Variants in WIF1 observed in about 807,000 individuals in gnomAD.
WIF1 encodes Wnt inhibitory factor 1.
In WIF1, 35 loss-of-function variants were observed where a neutral mutation model predicts 53.5. The observed-to-expected ratio is 0.65, with a 90% CI of 0.50 to 0.87. The LOEUF (loss-of-function observed/expected upper bound fraction) is 0.87, where lower values mean the gene tolerates loss of function less well. Among genes scored for constraint, WIF1 ranks in the 40% least tolerant of loss-of-function variants. The probability of loss-of-function intolerance (pLI) is 0.00; values close to 1 mark genes in which losing one functional copy is unlikely to be tolerated. For synonymous variants in WIF1, 171 were observed against 170.4 expected (o/e 1.00, Z -0.03); for missense variants, 467 against 476.8 (o/e 0.98, Z 0.19).
Position 65,118,525 on chromosome 12 carries a change from G to A in WIF1, c.288+1892C>T, listed in dbSNP as rs974222196. ...TAGTTGTGGTAACCTATTCAAAGCC[G>A]AATGAGTAGAGAGAGAAAGGTAGCT... On this transcript the variant is annotated intron_variant, in intron 2 of 9. Coordinates refer to ENST00000286574, the MANE Select transcript of WIF1 (RefSeq NM_007191.5). 3.3e-5 allele frequency among the ~76,000 whole-genome samples: 5 copies of A among 152,128 alleles called. No individual in the cohort carries two copies. The East Asian group carries it at 7.7e-4, about 23-fold the overall frequency.
chr12:65,088,337 C>T (rs1368398743), intron 2 of WIF1, among the ~76,000 whole-genome samples: 3 of 152,074 alleles, frequency 2.0e-5, no homozygotes, highest in Non-Finnish European at 2.9e-5. Flanking sequence ...CTCTCAACAT[C>T]CCCCCCATCT....
At chr12:65,106,870 T>C (rs779196945) in intron 2 of WIF1, among the ~76,000 whole-genome samples, 1 of 152,224 alleles carries the variant, frequency 6.6e-6, no homozygotes, top group African/African-American at 2.4e-5. Flanking sequence ...ACTCAAAACT[T>C]GACTTCTGCC....
At chr12:65,104,043 C>T (rs2136291574) in intron 2 of WIF1, among the ~76,000 whole-genome samples, 1 of 152,178 alleles carries the variant, frequency 6.6e-6, no homozygotes, top group East Asian at 1.9e-4. Context: ...CCAGCCTGGG[C>T]AACACAGCAA....
At chr12:65,079,630 A>G (rs1207835125) in intron 2 of WIF1, among the ~76,000 whole-genome samples, 1 of 151,636 alleles carries the variant, frequency 6.6e-6, no homozygotes, top group Non-Finnish European at 1.5e-5. Flanking sequence ...TGTCTCAAAA[A>G]AAAAAAAAAA....
intron 2 of WIF1, among the ~76,000 whole-genome samples, chr12:65,095,469 A>T (rs748172857): frequency 2.6e-5 from 4 of 152,138 alleles, no homozygotes; most frequent in African/African-American, 9.7e-5. Context: ...TTGGCCCCAT[A>T]TCTCCTCTAT....
chr12:65,058,680 A>T (rs1882566030), intron 7 of WIF1, among the ~76,000 whole-genome samples: 1 of 152,234 alleles, frequency 6.6e-6, no homozygotes, highest in Admixed American at 6.5e-5. Context: ...TCCTGAAAAT[A>T]GTTTGCAACC....
chr12:65,068,214 G>A (rs943877625), intron 4 of WIF1, among the ~76,000 whole-genome samples: 4 of 152,148 alleles, frequency 2.6e-5, no homozygotes, highest in Admixed American at 1.3e-4. Flanking sequence ...GTATAGGGAT[G>A]TGAAAGGAGC....
chr12:65,054,149 A>C (rs1320895313), intron 9 of WIF1: 2 of 149,974 alleles, frequency 1.3e-5, no homozygotes, highest in Admixed American at 6.7e-5. Flanking sequence ...GGATTCAAGA[A>C]ATCCTCTTGC....
In WIF1 at chr12:65,056,366, C is replaced by CTTTTT. The variant is rs10584146; in HGVS notation, c.827-245_827-241dup. On this transcript the variant is annotated intron_variant, in intron 7 of 9. Coordinates refer to ENST00000286574, the MANE Select transcript of WIF1 (RefSeq NM_007191.5). ...GTTGCCAAAATGCTGCATTTATATC[C>CTTTTT]TTTTTTTTTTTTTTTTTTTTTTTTT... 2.1e-4 allele frequency among the ~76,000 whole-genome samples: 5 copies of CTTTTT among 24,264 alleles called. 1 individual carries two copies. Among genetic ancestry groups the CTTTTT allele is most frequent in the African/African-American group, 4.2e-4 (3 of 7,162 alleles). 15.9% of individuals were successfully genotyped at this position (24,264 alleles called of 152,430 possible).
At chr12:65,112,448 A>ACACACACC (rs1287412018) in intron 2 of WIF1, among the ~76,000 whole-genome samples, 1 of 149,702 alleles carries the variant, frequency 6.7e-6, no homozygotes, top group Non-Finnish European at 1.5e-5. Context: ...ACACACACAC[A>ACACACACC]CACCATCCTG....
At chr12:65,086,718 T>TTC (rs1491040563) in intron 2 of WIF1, among the ~76,000 whole-genome samples, 3 of 150,534 alleles carry the variant, frequency 2.0e-5, no homozygotes, top group Non-Finnish European at 3.0e-5. Flanking sequence ...TTTTTTTTTT[T>TTC]CATCTCATCT....
chr12:65,105,935 G>A (rs1314190304), intron 2 of WIF1, among the ~76,000 whole-genome samples: 2 of 152,158 alleles, frequency 1.3e-5, no homozygotes, highest in East Asian at 3.9e-4. Flanking sequence ...ATTCTGCACA[G>A]GACACCAAGC....
At chr12:65,103,629 T>A (rs1043234324) in intron 2 of WIF1, among the ~76,000 whole-genome samples, 3 of 152,226 alleles carry the variant, frequency 2.0e-5, no homozygotes, top group Non-Finnish European at 1.5e-5. Context: ...ATTTGATATA[T>A]ATAGGACTCT....
At chr12:65,081,833 A>G (rs1882955112) in intron 2 of WIF1, among the ~76,000 whole-genome samples, 1 of 152,048 alleles carries the variant, frequency 6.6e-6, no homozygotes, top group African/African-American at 2.4e-5. Flanking sequence ...TAAAAATTCT[A>G]ACTTCACACT....
At chr12:65,106,176 G>A (rs1341481935) in intron 2 of WIF1, among the ~76,000 whole-genome samples, 1 of 151,942 alleles carries the variant, frequency 6.6e-6, no homozygotes, top group African/African-American at 2.4e-5. Flanking sequence ...GAAACAGAAT[G>A]CCTGCATGAG....
chr12:65,095,023 C>T (rs1169498591), intron 2 of WIF1, among the ~76,000 whole-genome samples: 1 of 151,766 alleles, frequency 6.6e-6, no homozygotes, highest in Non-Finnish European at 1.5e-5. Context: ...GCCTCCATCT[C>T]CTGGGCTCAA....
At chr12:65,080,858 A>G (rs1278192062) in intron 2 of WIF1, among the ~76,000 whole-genome samples, 2 of 152,168 alleles carry the variant, frequency 1.3e-5, no homozygotes, top group Non-Finnish European at 2.9e-5. Flanking sequence ...CTACCCCATA[A>G]TTATATCTTT....
chr12:65,085,789 A>C (rs1488740931), intron 2 of WIF1, among the ~76,000 whole-genome samples: 3 of 152,246 alleles, frequency 2.0e-5, no homozygotes, highest in Admixed American at 1.3e-4. Flanking sequence ...TTGAAGTTCA[A>C]ATAAACACAT....
At chr12:65,097,153 T>C (rs932348865) in intron 2 of WIF1, among the ~76,000 whole-genome samples, 19 of 151,540 alleles carry the variant, frequency 1.3e-4, no homozygotes, top group African/African-American at 4.4e-4. Flanking sequence ...GCCTCTTTTA[T>C]TCACCTTAAA....
Sources: allele counts gnomAD v4.1 joint callset (sites outside exome capture counted in the v4.1 genomes callset), GRCh38; gene constraint gnomAD v4.1.1; transcripts MANE v1.5; gene names NCBI Gene and HGNC (gene_info 2026-07-23, HGNC 2026-07-21).